EPB41: variants seen among roughly 807,000 people sequenced by gnomAD.
The protein encoded by EPB41 is erythrocyte membrane protein band 4.1.
Under a neutral mutation model 108.0 loss-of-function variants are expected in EPB41, and 65 were observed. The observed-to-expected ratio is 0.60, with a 90% confidence interval of 0.49 to 0.74. EPB41 has a LOEUF of 0.74. Ranked by LOEUF, EPB41 falls within the 30% of genes least tolerant of loss-of-function variation. The pLI, the probability that EPB41 is intolerant of heterozygous loss-of-function variation, is 0.00. For synonymous variants in EPB41, 336 were observed against 358.9 expected (o/e 0.94, Z 0.72); for missense variants, 875 against 1,037.0 (o/e 0.84, Z 2.15).
Position 28,979,945 on chromosome 1 carries a change from A to G in EPB41, c.-7-7486A>G, listed in dbSNP as rs371505105. Among the ~76,000 whole-genome samples the G allele has an allele frequency of 4.6e-5, 7 of 152,384 alleles. No individual in the cohort carries two copies. In the East Asian group the frequency reaches 1.3e-3, roughly 29 times the overall value. ...ATCAAGGCTTCTAAAAGTGAATTTC[A>G]AAATGTTATGAATAAACTTTGTTCC... On this transcript the variant is annotated intron_variant, in intron 1 of 20. Coordinates refer to ENST00000343067, the MANE Select transcript of EPB41 (RefSeq NM_001376013.1).
At chr1:29,098,080 G>A (rs992391392) in intron 17 of EPB41, 145 bp downstream of exon 17, 4 of 1,225,884 alleles carry the variant, frequency 3.3e-6, no homozygotes, top group Non-Finnish European at 4.6e-6. Flanking sequence ...GTCTAAGAAG[G>A]TCCCAGACTA....
chr1:28,941,967 T>C (rs1218303530), intron 1 of EPB41, among the ~76,000 whole-genome samples: 1 of 151,556 alleles, frequency 6.6e-6, no homozygotes, highest in African/African-American at 2.4e-5. Flanking sequence ...TGTAGAGTTG[T>C]AGAAAATTTG....
At chr1:28,971,180 CTTTTTTTTTTTTTT>C (rs1000130058) in intron 1 of EPB41, among the ~76,000 whole-genome samples, 1 of 66,324 alleles carries the variant, frequency 1.5e-5, no homozygotes, top group Non-Finnish European at 2.6e-5. Flanking sequence ...TTCTTTCTTT[CTTTTTTTTTTTTTT>C]TTTTTTTTTG....
chr1:29,018,563 C>T lies in EPB41; in HGVS notation c.1124+121C>T. The T allele has an allele frequency of 9.7e-7, 1 of 1,035,490 alleles. No individual in the cohort carries two copies. The highest frequency in any genetic ancestry group is 1.5e-6 in the Non-Finnish European group (1 of 671,030). The allele number at this position is 1,035,490 out of a possible 1,614,324, so 64.1% of individuals were successfully genotyped here. On this transcript the variant is annotated intron_variant, in intron 7 of 20. Transcript: ENST00000343067. This position sits in a 1 kb window ranked among gnomAD's most constrained non-coding sequence, Gnocchi z 4.4. ...GTGCCATAGAAAGAGTCAGTTTCCT[C>T]CACTGTTTGACTTTGGGCAGGTTAC...
chr1:28,984,606 T>C (rs2149483781), intron 1 of EPB41, among the ~76,000 whole-genome samples: 1 of 152,310 alleles, frequency 6.6e-6, no homozygotes, highest in Admixed American at 6.5e-5. Context: ...CCTTTGCAGT[T>C]TGTATTTATC....
At chr1:28,944,534 G>GTTTTTTTTTT (rs55849161) in intron 1 of EPB41, among the ~76,000 whole-genome samples, 5 of 97,422 alleles carry the variant, frequency 5.1e-5, no homozygotes, top group Non-Finnish European at 7.9e-5. Flanking sequence ...CTCAGATCTG[G>GTTTTTTTTTT]TTTTTTTTTT....
intron 17 of EPB41, among the ~76,000 whole-genome samples, 160 bp downstream of exon 17, chr1:29,098,095 A>C (rs1663866280): frequency 6.6e-6 from 1 of 152,226 alleles, no homozygotes; most frequent in African/African-American, 2.4e-5. Flanking sequence ...AGACTACTTT[A>C]TCTAAAGCAA....
At chr1:29,073,803 A>G (rs974993373) in intron 16 of EPB41, among the ~76,000 whole-genome samples, 1 of 152,162 alleles carries the variant, frequency 6.6e-6, no homozygotes, top group Non-Finnish European at 1.5e-5. Context: ...TTGAAGGGAA[A>G]AGATGCTGAC....
Position 29,007,653 on chromosome 1 carries a change from G to A in EPB41, c.787-4212G>A, listed in dbSNP as rs988854068. ...TCCTCATGTTACTTGTCTGTTTTGC[G>A]GTATTGATGATCTTAATTACTCCCT... On this transcript the variant is annotated intron_variant, in intron 4 of 20. Transcript: ENST00000343067. Among the ~76,000 whole-genome samples, 3 of 151,996 alleles carry A rather than the reference G, an allele frequency of 2.0e-5. No individual in the cohort carries two copies. In the South Asian group the frequency reaches 6.2e-4, roughly 32 times the overall value.
At chr1:28,965,394 GA>G (rs2095332705) in intron 1 of EPB41, among the ~76,000 whole-genome samples, 2 of 151,740 alleles carry the variant, frequency 1.3e-5, no homozygotes, top group Non-Finnish European at 2.9e-5. Context: ...GAACTTTTTT[GA>G]AACTGATTTC....
intron 1 of EPB41, among the ~76,000 whole-genome samples, chr1:28,968,476 T>C (rs752952685): frequency 4.6e-5 from 7 of 152,206 alleles, no homozygotes; most frequent in Admixed American, 6.5e-5. Flanking sequence ...TATGATTGTA[T>C]AGAGAAAATT....
intron 16 of EPB41, among the ~76,000 whole-genome samples, chr1:29,092,167 G>A (rs1401072246): frequency 2.3e-5 from 3 of 132,528 alleles, no homozygotes; most frequent in Non-Finnish European, 4.6e-5. Flanking sequence ...GCATGATCTT[G>A]GCTCACCACA....
intron 1 of EPB41, among the ~76,000 whole-genome samples, chr1:28,923,343 C>T (rs2093252261): frequency 1.3e-5 from 2 of 150,736 alleles, no homozygotes; most frequent in South Asian, 2.1e-4. Context: ...AATCTACCCG[C>T]CTCGGCCTCC....
chr1:29,103,843 T>A (rs1189595052), intron 17 of EPB41, among the ~76,000 whole-genome samples: 2 of 152,180 alleles, frequency 1.3e-5, no homozygotes, highest in African/African-American at 4.8e-5. Context: ...AATTTTTTTA[T>A]TTCTAGTAGA....
chr1:28,988,285 C>T (rs1432029450), intron 2 of EPB41, among the ~76,000 whole-genome samples: 2 of 152,166 alleles, frequency 1.3e-5, no homozygotes, highest in Non-Finnish European at 2.9e-5. Flanking sequence ...AAAAAAAGTA[C>T]TTGGTTTTAT....
intron 17 of EPB41, among the ~76,000 whole-genome samples, chr1:29,101,658 C>T (rs2452770): frequency 6.6e-6 from 1 of 151,924 alleles, no homozygotes; most frequent in African/African-American, 2.4e-5. Context: ...AAAGAGCGAG[C>T]GTCCATCTCA....
intron 2 of EPB41, among the ~76,000 whole-genome samples, chr1:28,988,921 A>G (rs1194424460): frequency 6.6e-6 from 1 of 152,248 alleles, no homozygotes; most frequent in African/African-American, 2.4e-5. Flanking sequence ...CAGCCCATAT[A>G]TCATTTTATT....
chr1:28,913,165 A>C (rs989584067), upstream of EPB41, among the ~76,000 whole-genome samples: 31 of 151,900 alleles, frequency 2.0e-4, 1 homozygote, highest in African/African-American at 7.3e-4. Context: ...AAAATGAGGC[A>C]CAGCCGGGCG....
At chr1:28,993,595 A>G (rs2096075412) in intron 3 of EPB41, 53 bp downstream of exon 3, 3 of 1,536,314 alleles carry the variant, frequency 2.0e-6, no homozygotes, top group Non-Finnish European at 2.7e-6. Flanking sequence ...GGTTTCATCT[A>G]GAGTTGCGTA....
Sources: allele counts gnomAD v4.1 joint callset (sites outside exome capture counted in the v4.1 genomes callset), GRCh38; gene constraint gnomAD v4.1.1; non-coding constraint Gnocchi (gnomAD v3.1); transcripts MANE v1.5; gene names NCBI Gene and HGNC (gene_info 2026-07-23, HGNC 2026-07-21).